The following LRPPRC variants were observed in gnomAD, a reference collection of about 807,000 sequenced individuals.
LRPPRC encodes the protein leucine-rich PPR motif-containing protein, mitochondrial.
Under a neutral mutation model 180.3 loss-of-function variants are expected in LRPPRC, and 120 were observed. The ratio of observed to expected loss-of-function variants is 0.67; its 90% CI spans 0.57 to 0.77. LRPPRC has a LOEUF of 0.77. Ranked by LOEUF, LRPPRC falls within the 30% of genes least tolerant of loss-of-function variation. The pLI is 0.00. For missense variants in LRPPRC, 2,012 were observed against 1,657.2 expected (o/e 1.21, Z -3.72); for synonymous variants, 723 against 600.0 (o/e 1.21, Z -3.00).
At chr2:43,930,050 G>T (rs374171621) in intron 25 of LRPPRC, among the ~76,000 whole-genome samples, 1 of 152,264 alleles carries the variant, frequency 6.6e-6, no homozygotes, top group South Asian at 2.1e-4. Flanking sequence ...AGGCAAATGG[G>T]ATAAAAATTC....
At chr2:43,962,145 T>C (rs1232422250) in intron 12 of LRPPRC, among the ~76,000 whole-genome samples, 1 of 152,120 alleles carries the variant, frequency 6.6e-6, no homozygotes, top group Non-Finnish European at 1.5e-5. Flanking sequence ...TGCTGTTCCC[T>C]AAGATAAGTC....
chr2:43,943,918 C>T (rs775405641), intron 22 of LRPPRC, 24 bp from the exon 23 acceptor site: 33 of 1,549,124 alleles, frequency 2.1e-5, no homozygotes, highest in Non-Finnish European at 2.7e-5. Flanking sequence ...ACACAAAAGA[C>T]CCTTAGGTAA....
Position 43,918,256 on chromosome 2 carries a change from C to T in LRPPRC, c.3039G>A (p.Glu1013=). The T allele has an allele frequency of 6.2e-7, 1 of 1,613,180 alleles. No individual in the cohort carries two copies. The highest frequency in any genetic ancestry group is 1.1e-5 in the South Asian group (1 of 91,062). ...GNQEVPFDVP[E]LWYEDEKHSL... is the part of the protein sequence containing the mutation. Reference sequence around the variant, plus strand: ...TTACGATTATGCCAAAAACAATTACCTCAGGTACGTCAAACGGAACTTCCT... The same window carrying T: ...TTACGATTATGCCAAAAACAATTACTTCAGGTACGTCAAACGGAACTTCCT... The change falls in exon 28 of 38, where the codon GAG becomes GAA. Residue 1013 remains glutamate, a splice_region_variant and synonymous_variant. Transcript: ENST00000260665.
At chr2:43,974,781 G>T in intron 7 of LRPPRC, 23 bp from the exon 8 acceptor site, 1 of 1,609,788 alleles carries the variant, frequency 6.2e-7, no homozygotes, top group Non-Finnish European at 8.5e-7. Context: ...CCAGAAATTA[G>T]AAGACAAAGT....
intron 34 of LRPPRC, 46 bp from the exon 35 acceptor site, chr2:43,896,754 A>G: frequency 9.2e-7 from 1 of 1,088,788 alleles, no homozygotes. Context: ...TCTGATAAAC[A>G]AGTGGATCAA....
chr2:43,930,013 A>G (rs1319584661), intron 25 of LRPPRC, among the ~76,000 whole-genome samples: 2 of 152,162 alleles, frequency 1.3e-5, no homozygotes, highest in African/African-American at 2.4e-5. Context: ...CTGTCTGTGT[A>G]TACGATCCAC....
intron 12 of LRPPRC, among the ~76,000 whole-genome samples, chr2:43,961,700 C>T (rs1032761295): frequency 6.6e-6 from 1 of 152,210 alleles, no homozygotes; most frequent in Non-Finnish European, 1.5e-5. Flanking sequence ...GTGGCTCACA[C>T]CTGCAATGCC....
chr2:43,950,059 T>C (rs981236420), intron 15 of LRPPRC, among the ~76,000 whole-genome samples: 2 of 152,258 alleles, frequency 1.3e-5, no homozygotes, highest in Non-Finnish European at 2.9e-5. Context: ...CCTCATTTTA[T>C]ATTAAGTTTT....
chr2:43,949,807 A>C (rs990208984), intron 15 of LRPPRC, 148 bp from the exon 16 acceptor site: 1 of 676,770 alleles, frequency 1.5e-6, no homozygotes, highest in African/African-American at 1.8e-5. Context: ...CCACCCGCCA[A>C]GGAGATTGTT....
At chr2:43,968,933 G>A (rs1673677324) in intron 11 of LRPPRC, among the ~76,000 whole-genome samples, 1 of 152,130 alleles carries the variant, frequency 6.6e-6, no homozygotes, top group Admixed American at 6.6e-5. Flanking sequence ...GAAGGTTTAT[G>A]GTTGTTAATT....
chr2:43,993,050 C>T (rs538377366), intron 1 of LRPPRC, among the ~76,000 whole-genome samples: 1 of 152,214 alleles, frequency 6.6e-6, no homozygotes, highest in South Asian at 2.1e-4. Flanking sequence ...GCAAATGAGA[C>T]AAATCCTAAA....
rs756994306 is a variant in LRPPRC, at chr2:43,918,333, G to A, written c.2962C>T (p.Pro988Ser). Residue 988 changes from proline to serine, a missense_variant, in exon 28 of 38, where the codon CCT becomes TCT. Physicochemically the swap from Pro to Ser is moderately conservative, Grantham distance 74 (BLOSUM62 -1). Transcript: ENST00000260665. ...WNKIQEENVI[P>S]REKTLRLLAE... ...AATAATCTTAATGTCTTTTCACGAG[G>A]AATAACATTTTCTTCTTGGATTTTA... The A allele has an allele frequency of 6.2e-7, 1 of 1,608,588 alleles. No individual in the cohort carries two copies. The highest frequency in any genetic ancestry group is 1.3e-5 in the African/African-American group (1 of 74,792).
At chr2:43,932,261 G>A (rs943653077) in intron 25 of LRPPRC, among the ~76,000 whole-genome samples, 3 of 150,750 alleles carry the variant, frequency 2.0e-5, no homozygotes, top group African/African-American at 7.3e-5. Context: ...ATTGAACCTT[G>A]CCTATATCTT....
intron 25 of LRPPRC, among the ~76,000 whole-genome samples, chr2:43,926,963 C>T (rs551531082): frequency 1.3e-5 from 2 of 152,156 alleles, no homozygotes; most frequent in South Asian, 4.1e-4. Context: ...TATGTTATAT[C>T]CTCAATTAGA....
intron 11 of LRPPRC, among the ~76,000 whole-genome samples, chr2:43,971,117 A>C (rs1559035411): frequency 2.0e-5 from 3 of 151,580 alleles, no homozygotes; most frequent in Non-Finnish European, 4.4e-5. Flanking sequence ...AAAAAAAGCA[A>C]GTTCCTTCTA....
chr2:43,894,818 C>T (rs1205644746), intron 35 of LRPPRC, among the ~76,000 whole-genome samples, 189 bp from the exon 36 acceptor site: 2 of 152,098 alleles, frequency 1.3e-5, no homozygotes, highest in African/African-American at 2.4e-5. Context: ...CTAAAAGAAA[C>T]CAGCATTTTT....
At chr2:43,946,302 T>C in intron 20 of LRPPRC, 59 bp from the exon 21 acceptor site, 1 of 1,341,904 alleles carries the variant, frequency 7.5e-7, no homozygotes, top group Non-Finnish European at 1.1e-6. Flanking sequence ...AAATGTCACA[T>C]TTTTAGCTTT....
chr2:43,923,647 A>G (rs2105037667), intron 27 of LRPPRC, among the ~76,000 whole-genome samples: 1 of 150,572 alleles, frequency 6.6e-6, no homozygotes, highest in South Asian at 2.1e-4. Flanking sequence ...GCAGAGCACT[A>G]CCTTTACATC....
At chr2:43,969,990 T>C (rs1673733237) in intron 11 of LRPPRC, among the ~76,000 whole-genome samples, 3 of 152,122 alleles carry the variant, frequency 2.0e-5, no homozygotes, top group South Asian at 2.1e-4. Context: ...TAAATGTTAA[T>C]AGGAGCAATA....
Sources: allele counts gnomAD v4.1 joint callset (sites outside exome capture counted in the v4.1 genomes callset), GRCh38; gene constraint gnomAD v4.1.1; transcripts MANE v1.5; gene names NCBI Gene and HGNC (gene_info 2026-07-23, HGNC 2026-07-21).